Variants in TNKS2 observed in about 807,000 individuals in gnomAD.
TNKS2 encodes poly [ADP-ribose] polymerase tankyrase-2.
Under a neutral mutation model 137.6 loss-of-function variants are expected in TNKS2, and 72 were observed. The observed-to-expected ratio is 0.52, with a 90% CI of 0.43 to 0.64. The LOEUF (loss-of-function observed/expected upper bound fraction) is 0.64, where lower values mean the gene tolerates loss of function less well. Among genes scored for constraint, TNKS2 ranks in the 30% least tolerant of loss-of-function variants. The pLI, the probability that TNKS2 is intolerant of heterozygous loss-of-function variation, is 0.00. For missense variants in TNKS2, 1,049 were observed against 1,410.2 expected (o/e 0.74, Z 4.10); for synonymous variants, 516 against 512.1 (o/e 1.01, Z -0.10).
intron 2 of TNKS2, among the ~76,000 whole-genome samples, chr10:91,814,701 G>A (rs1478342225): frequency 2.6e-5 from 4 of 152,072 alleles, no homozygotes; most frequent in South Asian, 2.1e-4. Flanking sequence ...TGCAGTATTC[G>A]GTACAGTAAC....
Position 91,836,909 on chromosome 10 carries a change from TC to T in TNKS2, c.1448-9del. 1.2e-6 allele frequency: 2 copies of T among 1,609,732 alleles called. No individual in the cohort carries two copies. Among genetic ancestry groups the T allele is most frequent in the South Asian group, 1.1e-5 (1 of 89,938 alleles). On this transcript the variant is annotated splice_polypyrimidine_tract_variant and intron_variant, in intron 12 of 26. Coordinates refer to ENST00000371627, the MANE Select transcript of TNKS2 (RefSeq NM_025235.4). ...GGTTAGTCACTCTTCTCTCTCTCTC[TC>T]TTTTTTAGAGGGTATCTCATTAGGT...
In TNKS2 at chr10:91,848,455, G is replaced by A; in HGVS notation, c.2431G>A (p.Val811Met). 1 of 1,614,154 alleles carries A rather than the reference G, an allele frequency of 6.2e-7. No homozygotes were observed. The highest frequency in any genetic ancestry group is 1.1e-5 in the South Asian group (1 of 91,086). ...SALPSCYKPQVLNGVRSPGAT... is the reference protein window; with the variant it reads ...SALPSCYKPQMLNGVRSPGAT... ...TCTGCCCTCTTGTTACAAGCCTCAA[G>A]TGCTCAATGGTGTGAGAAGCCCAGG... Residue 811 changes from valine to methionine, a missense_variant, in exon 19 of 27, where the codon GTG becomes ATG. Physicochemically the swap from Val to Met is conservative, Grantham distance 21. Transcript: ENST00000371627.
chr10:91,811,667 C>G (rs1844511446), intron 1 of TNKS2, among the ~76,000 whole-genome samples: 1 of 152,074 alleles, frequency 6.6e-6, no homozygotes, highest in Non-Finnish European at 1.5e-5. Flanking sequence ...CCAGGCCAAC[C>G]CCAGGCATCG....
chr10:91,810,890 CTTT>C (rs1450390763), intron 1 of TNKS2, among the ~76,000 whole-genome samples: 1 of 70,194 alleles, frequency 1.4e-5, no homozygotes, highest in African/African-American at 5.1e-5. Context: ...TTATTCTTTT[CTTT>C]TTTCTTTTCT....
intron 1 of TNKS2, among the ~76,000 whole-genome samples, chr10:91,805,624 CTG>C (rs1844301422): frequency 6.6e-6 from 1 of 152,194 alleles, no homozygotes; most frequent in Non-Finnish European, 1.5e-5. Context: ...CCAGCTATTT[CTG>C]TGCACATCTA....
chr10:91,818,568 G>A (rs1221428159), intron 3 of TNKS2, among the ~76,000 whole-genome samples: 2 of 152,096 alleles, frequency 1.3e-5, no homozygotes, highest in African/African-American at 2.4e-5. Flanking sequence ...GCCTCACTCT[G>A]TCGCCCAGGC....
Position 91,845,957 on chromosome 10 carries a change from T to C in TNKS2, c.2358+17T>C. Reference sequence around the variant, plus strand: ...TTAGTTTCAGTAAGTGATGGGCTTTTTGAAAAATCTCAGTGCTTTTCTGAC... The same window carrying C: ...TTAGTTTCAGTAAGTGATGGGCTTTCTGAAAAATCTCAGTGCTTTTCTGAC... On this transcript the variant is annotated intron_variant, in intron 18 of 26. Coordinates refer to ENST00000371627, the MANE Select transcript of TNKS2 (RefSeq NM_025235.4). The C allele has an allele frequency of 6.7e-7, 1 of 1,501,886 alleles. No homozygotes were observed. The highest frequency in any genetic ancestry group is 9.0e-7 in the Non-Finnish European group (1 of 1,110,728). The allele number at this position is 1,501,886 out of a possible 1,614,324, so 93.0% of individuals were successfully genotyped here. A position where few individuals can be genotyped will look rare whatever the true frequency, so the allele number is the denominator to read the frequency against.
intron 12 of TNKS2, 68 bp from the exon 13 acceptor site, chr10:91,836,851 T>G: frequency 1.3e-6 from 2 of 1,546,688 alleles, no homozygotes; most frequent in South Asian, 2.5e-5. Flanking sequence ...ATGAGATGCC[T>G]TCCATAAAGC....
chr10:91,801,729 C>T (rs1158224690), intron 1 of TNKS2, among the ~76,000 whole-genome samples: 1 of 152,170 alleles, frequency 6.6e-6, no homozygotes, highest in Non-Finnish European at 1.5e-5. Flanking sequence ...GCCTCGGCCT[C>T]CCAAAGTGCT....
chr10:91,820,139 A>G (rs1844840868), intron 6 of TNKS2, 106 bp downstream of exon 6: 3 of 707,606 alleles, frequency 4.2e-6, no homozygotes, highest in East Asian at 3.3e-5. Flanking sequence ...ACATTAATAT[A>G]TATTGAGCTT....
intron 7 of TNKS2, among the ~76,000 whole-genome samples, chr10:91,826,688 A>C (rs1265549758): frequency 1.3e-5 from 2 of 152,188 alleles, no homozygotes; most frequent in Admixed American, 1.3e-4. Context: ...CATTTGTCAG[A>C]ATTCATCAAA....
intron 17 of TNKS2, 34 bp from the exon 18 acceptor site, chr10:91,845,718 T>C: frequency 7.1e-7 from 1 of 1,405,096 alleles, no homozygotes; most frequent in Non-Finnish European, 9.4e-7. Flanking sequence ...GACAAAATAA[T>C]ATTTCAGACT....
chr10:91,849,378 A>G lies in TNKS2; in HGVS notation c.2612-134A>G, dbSNP rs181381081. 216 of 549,248 alleles carry G rather than the reference A, an allele frequency of 3.9e-4. 1 individual carries two copies. The highest frequency in any genetic ancestry group is 2.1e-3 in the South Asian group (49 of 23,878). The allele number at this position is 549,248 out of a possible 1,614,324, so 34.0% of individuals were successfully genotyped here. On this transcript the variant is annotated intron_variant, in intron 19 of 26. Transcript: ENST00000371627. ...GAAATTTTGTAGCTTTCTCTTGTTC[A>G]GTATTATATCCTAAGTGGCTATTAA...
intron 1 of TNKS2, among the ~76,000 whole-genome samples, chr10:91,805,602 A>G (rs557391242): frequency 2.0e-5 from 3 of 152,260 alleles, no homozygotes; most frequent in South Asian, 2.1e-4. Context: ...CATAACAGCT[A>G]GTTATTTTAC....
chr10:91,859,364 G>A (rs975364010), intron 24 of TNKS2, 98 bp from the exon 25 acceptor site: 2 of 1,025,910 alleles, frequency 1.9e-6, no homozygotes, highest in Non-Finnish European at 2.7e-6. Flanking sequence ...TTATGGTTGG[G>A]CTATATATTT....
At chr10:91,849,162 C>T (rs1390432092) in intron 19 of TNKS2, among the ~76,000 whole-genome samples, 1 of 152,188 alleles carries the variant, frequency 6.6e-6, no homozygotes, top group Admixed American at 6.5e-5. Flanking sequence ...AGATGTAAAC[C>T]TTTTCTGTTA....
intron 21 of TNKS2, 109 bp from the exon 22 acceptor site, chr10:91,854,918 TAA>T: frequency 4.4e-6 from 2 of 453,014 alleles, no homozygotes; most frequent in Admixed American, 3.8e-5. Context: ...AAAAAAAGTT[TAA>T]AAAAAAAAAT....
chr10:91,846,849 A>G (rs187252668), intron 18 of TNKS2, among the ~76,000 whole-genome samples: 1 of 152,304 alleles, frequency 6.6e-6, no homozygotes, highest in East Asian at 1.9e-4. Context: ...CATTCCACCC[A>G]TATGTTAGTT....
At chr10:91,802,726 T>C (rs1223569311) in intron 1 of TNKS2, among the ~76,000 whole-genome samples, 1 of 152,260 alleles carries the variant, frequency 6.6e-6, no homozygotes, top group African/African-American at 2.4e-5. Flanking sequence ...CTTCTTTGGC[T>C]GTAGGCCAAC....
Sources: gnomAD v4.1 joint callset for allele counts (sites outside exome capture counted in the v4.1 genomes callset) on GRCh38, gnomAD v4.1.1 for gene constraint, MANE v1.5 for transcripts, NCBI Gene and HGNC (gene_info 2026-07-23, HGNC 2026-07-21) for gene names.